PXMP2: variants seen among roughly 807,000 people sequenced by gnomAD.
PXMP2 encodes the protein 22 kDa peroxisomal membrane protein.
PXMP2 carries 13 observed loss-of-function variants against 20.2 expected under a neutral mutation model. The ratio of observed to expected loss-of-function variants is 0.64; its 90% CI spans 0.42 to 1.02. The LOEUF (loss-of-function observed/expected upper bound fraction) is 1.02. Ranked by LOEUF, PXMP2 falls within the 50% of genes least tolerant of loss-of-function variation. The pLI, the probability that PXMP2 is intolerant of heterozygous loss-of-function variation, is 0.00. For synonymous variants in PXMP2, 113 were observed against 111.2 expected (o/e 1.02, Z -0.10); for missense variants, 284 against 251.8 (o/e 1.13, Z -0.87).
chr12:132,698,596 A>T (rs2043422670), intron 3 of PXMP2, among the ~76,000 whole-genome samples: 1 of 152,202 alleles, frequency 6.6e-6, no homozygotes, highest in Non-Finnish European at 1.5e-5. Context: ...CCATCTGTAC[A>T]GGCAATTATC....
chr12:132,695,871 C>G lies in PXMP2; in HGVS notation c.237-13C>G, dbSNP rs1312251809. 1 of 1,597,692 alleles carries G rather than the reference C, an allele frequency of 6.3e-7. No individual in the cohort carries two copies. The highest frequency in any genetic ancestry group is 1.1e-5 in the South Asian group (1 of 88,620). On this transcript the variant is annotated splice_polypyrimidine_tract_variant and intron_variant, in intron 2 of 4. Coordinates refer to ENST00000317479, the MANE Select transcript of PXMP2 (RefSeq NM_018663.3). ...AGAACCACAATCTGGCTCACACCCC[C>G]TGGGGGCCTCAGGTTCTTCTTCACA...
In PXMP2 at chr12:132,704,214, G is replaced by A. The variant is rs558545028; in HGVS notation, c.520-405G>A. ...AAGCAGGGCAGTGGGATGGTGATGG[G>A]TTAGAGGAGGGAAGGTCTGGGGCCC... On this transcript the variant is annotated intron_variant, in intron 4 of 4. Transcript: ENST00000317479. Among the ~76,000 whole-genome samples, 8 of 152,308 alleles carry A rather than the reference G, an allele frequency of 5.3e-5. No homozygotes were observed. The South Asian group carries it at 1.7e-3, about 32-fold the overall frequency.
chr12:132,700,352 A>C (rs1345051043), intron 3 of PXMP2, among the ~76,000 whole-genome samples: 1 of 151,918 alleles, frequency 6.6e-6, no homozygotes, highest in Non-Finnish European at 1.5e-5. Flanking sequence ...TGGCCACTTG[A>C]CTTTTTAATA....
At chr12:132,701,541 C>T in intron 4 of PXMP2, 172 bp downstream of exon 4, 1 of 935,472 alleles carries the variant, frequency 1.1e-6, no homozygotes, top group Non-Finnish European at 1.5e-6. Context: ...CTCAACTACC[C>T]TTGGATTTTG....
chr12:132,687,619 G>A lies in PXMP2; in HGVS notation c.-52G>A, dbSNP rs949809461. On this transcript the variant is annotated 5_prime_UTR_variant, in exon 1 of 5. Transcript: ENST00000317479. The stretch of plus-strand genomic sequence containing the variant: ...TCTCGGCGCCTCGGGCTCCGCGCCC[G>A]GCCAGCCTGAGGTGGGGTCGGTGCC... 2 of 1,160,720 alleles carry A rather than the reference G, an allele frequency of 1.7e-6. No homozygotes were observed. Among genetic ancestry groups the A allele is most frequent in the Non-Finnish European group, 2.1e-6 (2 of 942,680 alleles). 71.9% of individuals were successfully genotyped at this position (1,160,720 alleles called of 1,614,324 possible).
At chr12:132,699,367 C>T (rs540176199) in intron 3 of PXMP2, among the ~76,000 whole-genome samples, 15 of 152,112 alleles carry the variant, frequency 9.9e-5, no homozygotes, top group African/African-American at 3.4e-4. Context: ...GCCGACATCA[C>T]GCCACTGCAC....
At chr12:132,692,373 TGCC>T (rs2043374603) in intron 2 of PXMP2, among the ~76,000 whole-genome samples, 1 of 98,804 alleles carries the variant, frequency 1.0e-5, no homozygotes. Flanking sequence ...TGAGCTCCCT[TGCC>T]AGTTAGTTAG....
chr12:132,699,119 T>C (rs1467986996), intron 3 of PXMP2, among the ~76,000 whole-genome samples: 1 of 152,164 alleles, frequency 6.6e-6, no homozygotes, highest in African/African-American at 2.4e-5. Context: ...GTGTCTGTTA[T>C]TTCCCTCTGT....
rs2043440469 is a variant in PXMP2, at chr12:132,701,382, G to A, written c.519+13G>A. ...CGTCCCTCTGAAGGTGAGGGCCACG[G>A]GGCTCAGCCTCTGCTAACATTACTT... On this transcript the variant is annotated intron_variant, in intron 4 of 4. Transcript: ENST00000317479. 4.3e-6 allele frequency: 7 copies of A among 1,611,336 alleles called. No homozygotes were observed. The highest frequency in any genetic ancestry group is 5.9e-6 in the Non-Finnish European group (7 of 1,179,476).
In PXMP2 at chr12:132,704,634, G is replaced by T; in HGVS notation, c.535G>T (p.Ala179Ser). ...YVPLKFRVLF[A>S]NLAALFWYAY... ...TTTTCGGCAGTTCCGGGTGCTCTTC[G>T]CCAACCTGGCAGCTCTGTTCTGGTA... Residue 179 changes from alanine to serine, a missense_variant, in exon 5 of 5, where the codon GCC becomes TCC. Physicochemically the swap from Ala to Ser is moderately conservative, Grantham distance 99. Transcript: ENST00000317479. 6.8e-7 allele frequency: 1 copy of T among 1,460,996 alleles called. No homozygotes were observed. The highest frequency in any genetic ancestry group is 9.1e-7 in the Non-Finnish European group (1 of 1,100,216). 90.5% of individuals were successfully genotyped at this position (1,460,996 alleles called of 1,614,324 possible).
At chr12:132,694,077 A>T (rs79365471) in intron 2 of PXMP2, among the ~76,000 whole-genome samples, 1,804 of 35,180 alleles carry the variant, frequency 0.051, 40 homozygotes, top group African/African-American at 0.069. Flanking sequence ...AGCCAGTTAG[A>T]TAGTGAGCGC....
rs1565994447 is a variant in PXMP2, at chr12:132,704,707, A to ACTGTGCACTGTGGACGT, written c.*20_*21insCTGTGCACTGTGGACGT. ...AAGTGACGACCGCTGGGAGAACATC[A>ACTGTGCACTGTGGACGT]GGTGCACTGTGGACGTGGGTCTGGG... On this transcript the variant is annotated 3_prime_UTR_variant, in exon 5 of 5. Coordinates refer to ENST00000317479, the MANE Select transcript of PXMP2 (RefSeq NM_018663.3). The ACTGTGCACTGTGGACGT allele has an allele frequency of 6.3e-7, 1 of 1,588,828 alleles. No homozygotes were observed.
intron 3 of PXMP2, among the ~76,000 whole-genome samples, chr12:132,700,450 A>G (rs1041737203): frequency 1.7e-4 from 24 of 144,162 alleles, no homozygotes; most frequent in Non-Finnish European, 3.4e-4. Flanking sequence ...ACATTTTTTC[A>G]TATGTTTCTT....
chr12:132,690,424 A>C, intron 2 of PXMP2, 48 bp downstream of exon 2: 1 of 1,454,358 alleles, frequency 6.9e-7, no homozygotes, highest in Non-Finnish European at 9.6e-7. Flanking sequence ...GCTGAGTGCA[A>C]CCAAGCTGGG....
At position 132,687,600 on chromosome 12, in the gene PXMP2, C is replaced by T; in HGVS notation, c.-71C>T. 2 of 1,167,000 alleles carry T rather than the reference C, an allele frequency of 1.7e-6. No homozygotes were observed. Among genetic ancestry groups the T allele is most frequent in the Non-Finnish European group, 2.1e-6 (2 of 945,410 alleles). 72.3% of individuals were successfully genotyped at this position (1,167,000 alleles called of 1,614,324 possible). A position where few individuals can be genotyped will look rare whatever the true frequency, so the allele number is the denominator to read the frequency against. ...CAGGCGGTCCCCACTCCGCTCTCGG[C>T]GCCTCGGGCTCCGCGCCCGGCCAGC... On this transcript the variant is annotated 5_prime_UTR_variant, in exon 1 of 5. Coordinates refer to ENST00000317479, the MANE Select transcript of PXMP2 (RefSeq NM_018663.3).
chr12:132,698,581 C>T (rs1270766365), intron 3 of PXMP2, among the ~76,000 whole-genome samples: 1 of 152,202 alleles, frequency 6.6e-6, no homozygotes, highest in Admixed American at 6.5e-5. Flanking sequence ...GAAATATTCT[C>T]ATTTCCATCT....
chr12:132,697,664 C>G (rs2043417885), intron 3 of PXMP2, among the ~76,000 whole-genome samples: 1 of 151,872 alleles, frequency 6.6e-6, no homozygotes, highest in African/African-American at 2.4e-5. Flanking sequence ...CCTTGGCCTC[C>G]CAAAGTGCTG....
intron 3 of PXMP2, among the ~76,000 whole-genome samples, chr12:132,700,865 A>G (rs916529039): frequency 8.2e-6 from 1 of 121,794 alleles, no homozygotes; most frequent in Non-Finnish European, 1.7e-5. Context: ...TTTTTTTTTC[A>G]TAACTCCTAA....
intron 1 of PXMP2, among the ~76,000 whole-genome samples, chr12:132,689,823 G>T (rs145750943): frequency 6.6e-6 from 1 of 152,180 alleles, no homozygotes; most frequent in Admixed American, 6.5e-5. Context: ...CCAGGGCATT[G>T]CGTGGACACA....
Sources: gnomAD v4.1 joint callset for allele counts (sites outside exome capture counted in the v4.1 genomes callset) on GRCh38, gnomAD v4.1.1 for gene constraint, MANE v1.5 for transcripts, NCBI Gene and HGNC (gene_info 2026-07-23, HGNC 2026-07-21) for gene names.